GRIN2B: variants seen among roughly 807,000 people sequenced by gnomAD.
The protein encoded by GRIN2B is glutamate receptor ionotropic, NMDA 2B.
Under a neutral mutation model 114.5 loss-of-function variants are expected in GRIN2B, and 5 were observed. That is an observed-to-expected ratio of 0.04 (90% CI 0.02 to 0.09). The LOEUF is 0.09. Among genes scored for constraint, GRIN2B ranks in the 10% least tolerant of loss-of-function variants. GRIN2B has a pLI of 1.00. For missense variants in GRIN2B, 1,108 were observed against 1,943.5 expected (o/e 0.57, Z 8.08); for synonymous variants, 787 against 745.1 (o/e 1.06, Z -0.92).
rs929463360 is a variant in GRIN2B at position 13,615,854 on chromosome 12, G to T, written c.1329-190C>A. Among the ~76,000 whole-genome samples the T allele has an allele frequency of 5.9e-5, 9 of 152,084 alleles. No individual in the cohort carries two copies. Among genetic ancestry groups the T allele is most frequent in the Non-Finnish European group, 5.9e-5 (4 of 68,020 alleles). On this transcript the variant is annotated intron_variant, in intron 6 of 13. Coordinates refer to ENST00000609686, the MANE Select transcript of GRIN2B (RefSeq NM_000834.5). The surrounding 1 kb of genome is among the most constrained non-coding windows in gnomAD (Gnocchi z 5.8). ...AGACCTGCAATATTCTCATTATCTCGTCATATTGAGATATGTTTCCTCTTA... is the reference window on the plus strand; with the variant it reads ...AGACCTGCAATATTCTCATTATCTCTTCATATTGAGATATGTTTCCTCTTA...
At chr12:13,905,638 C>T (rs1172430946) in intron 2 of GRIN2B, among the ~76,000 whole-genome samples, 1 of 152,096 alleles carries the variant, frequency 6.6e-6, no homozygotes, top group Non-Finnish European at 1.5e-5. Flanking sequence ...CAGTCTAGGA[C>T]GTCTTCCTTA....
intron 4 of GRIN2B, among the ~76,000 whole-genome samples, chr12:13,707,736 C>T (rs1045556305): frequency 1.4e-4 from 21 of 151,798 alleles, no homozygotes; most frequent in African/African-American, 4.6e-4. Context: ...AACACGGCTG[C>T]TTTGTGGACA....
chr12:13,908,939 G>C (rs1257473657), intron 2 of GRIN2B, among the ~76,000 whole-genome samples: 1 of 152,194 alleles, frequency 6.6e-6, no homozygotes, highest in African/African-American at 2.4e-5. Context: ...CACTATCATG[G>C]AATCTAGAAA....
chr12:13,662,514 C>T (rs1949934456), intron 5 of GRIN2B, among the ~76,000 whole-genome samples: 2 of 152,128 alleles, frequency 1.3e-5, no homozygotes, highest in South Asian at 4.2e-4. Context: ...CCACCTTAAG[C>T]GTATATGGCA....
chr12:13,810,659 G>A (rs939600169), intron 3 of GRIN2B, among the ~76,000 whole-genome samples: 1 of 152,174 alleles, frequency 6.6e-6, no homozygotes, highest in Non-Finnish European at 1.5e-5. Context: ...CAGTTTCTAT[G>A]TCTATATCCC....
chr12:13,781,016 A>G (rs1864102604), intron 3 of GRIN2B, among the ~76,000 whole-genome samples: 2 of 152,174 alleles, frequency 1.3e-5, no homozygotes, highest in Admixed American at 6.6e-5. Flanking sequence ...CCAGCAGGAC[A>G]CTCAACAAAG....
intron 12 of GRIN2B, among the ~76,000 whole-genome samples, chr12:13,568,902 G>C (rs570818903): frequency 6.1e-4 from 93 of 152,274 alleles, no homozygotes; most frequent in African/African-American, 2.2e-3. Context: ...AGTGGCTGAT[G>C]GTGTCTGCCT....
rs1039028374 is a variant in GRIN2B at position 13,979,964 on chromosome 12, T to C, written c.-55A>G. On this transcript the variant is annotated 5_prime_UTR_variant, in exon 2 of 14. The change abolishes the stop of an existing upstream ORF in the 5' untranslated region. Transcript: ENST00000609686. Reference sequence around the variant, plus strand: ...GAAGCCAAACCTCTAGACGGACAGATTAAGGGAGTGAGCATGTTGGGAATG... The same window carrying C: ...GAAGCCAAACCTCTAGACGGACAGACTAAGGGAGTGAGCATGTTGGGAATG... 2.0e-5 allele frequency: 3 copies of C among 152,202 alleles called. No homozygotes were observed. Among genetic ancestry groups the C allele is most frequent in the Admixed American group, 2.0e-4 (3 of 15,282 alleles). 9.4% of individuals were successfully genotyped at this position (152,202 alleles called of 1,614,324 possible).
chr12:13,675,455 G>T (rs1039125091), intron 5 of GRIN2B, among the ~76,000 whole-genome samples: 5 of 152,098 alleles, frequency 3.3e-5, no homozygotes, highest in African/African-American at 2.4e-5. Context: ...ACCAAATTAT[G>T]TTATATTGTA....
chr12:13,942,987 G>A (rs569820493), intron 2 of GRIN2B, among the ~76,000 whole-genome samples: 26 of 152,168 alleles, frequency 1.7e-4, no homozygotes, highest in Middle Eastern at 6.8e-3. Context: ...CTCCCATCCC[G>A]GTTCATGGAG....
chr12:13,782,520 CTTTG>C (rs576202786), intron 3 of GRIN2B, among the ~76,000 whole-genome samples: 316 of 152,272 alleles, frequency 2.1e-3, no homozygotes, highest in African/African-American at 7.2e-3. Flanking sequence ...CCATGCTTGT[CTTTG>C]AGTTGAAACT....
At chr12:13,906,858 A>G (rs1866544924) in intron 2 of GRIN2B, among the ~76,000 whole-genome samples, 1 of 152,190 alleles carries the variant, frequency 6.6e-6, no homozygotes, top group South Asian at 2.1e-4. Flanking sequence ...AAAAATTCAC[A>G]TTTTCTATGT....
At chr12:13,687,056 C>A (rs1306411381) in intron 4 of GRIN2B, among the ~76,000 whole-genome samples, 1 of 152,142 alleles carries the variant, frequency 6.6e-6, no homozygotes, top group African/African-American at 2.4e-5. Flanking sequence ...CACCTTCCCC[C>A]ACGAGTAGAA....
At chr12:13,721,942 T>C (rs893711052) in intron 4 of GRIN2B, among the ~76,000 whole-genome samples, 6 of 151,942 alleles carry the variant, frequency 3.9e-5, no homozygotes, top group East Asian at 1.9e-4. Flanking sequence ...ATCACAAGAG[T>C]GTAGCTTCGT....
chr12:13,958,255 TA>T (rs1867627324), intron 2 of GRIN2B, among the ~76,000 whole-genome samples: 1 of 152,152 alleles, frequency 6.6e-6, no homozygotes, highest in Non-Finnish European at 1.5e-5. Flanking sequence ...TGAAGTGGAC[TA>T]AAGCTTTACC....
chr12:13,764,450 C>T (rs1863740076), intron 3 of GRIN2B, among the ~76,000 whole-genome samples: 1 of 152,192 alleles, frequency 6.6e-6, no homozygotes, highest in Non-Finnish European at 1.5e-5. Flanking sequence ...CTCTAACCGG[C>T]TAACACCGTT....
chr12:13,905,409 A>G (rs140439698), intron 2 of GRIN2B, among the ~76,000 whole-genome samples: 1,667 of 152,318 alleles, frequency 0.011, 6 homozygotes, highest in Middle Eastern at 0.017. Flanking sequence ...CAAATCTTCA[A>G]AAATACTTTT....
intron 3 of GRIN2B, among the ~76,000 whole-genome samples, chr12:13,833,872 T>A (rs181974001): frequency 1.9e-4 from 29 of 151,598 alleles, no homozygotes; most frequent in Admixed American, 1.6e-3. Context: ...AGATTACAGA[T>A]GAAAAAAAAA....
chr12:13,748,589 G>A lies in GRIN2B; in HGVS notation c.1010+4728C>T, dbSNP rs1272756826. On this transcript the variant is annotated intron_variant, in intron 4 of 13. Coordinates refer to ENST00000609686, the MANE Select transcript of GRIN2B (RefSeq NM_000834.5). Reference sequence around the variant, plus strand: ...CAAAACGTTTTTAGACTTTTCTCAGGAACCAAGAAAATTCTTCCCTTAGAG... The same window carrying A: ...CAAAACGTTTTTAGACTTTTCTCAGAAACCAAGAAAATTCTTCCCTTAGAG... 2.0e-5 allele frequency among the ~76,000 whole-genome samples: 3 copies of A among 152,092 alleles called. No homozygotes were observed. The East Asian group carries it at 5.8e-4, about 29-fold the overall frequency.
Sources: gnomAD v4.1 joint callset for allele counts (sites outside exome capture counted in the v4.1 genomes callset) on GRCh38, gnomAD v4.1.1 for gene constraint, Gnocchi (gnomAD v3.1) non-coding constraint, MANE v1.5 for transcripts, NCBI Gene and HGNC (gene_info 2026-07-23, HGNC 2026-07-21) for gene names.